The following RBFOX1 variants were observed in gnomAD, a reference collection of about 807,000 sequenced individuals.
RBFOX1 encodes the protein RNA binding fox-1 homolog 1.
RBFOX1 carries 8 observed loss-of-function variants against 57.7 expected under a neutral mutation model. The ratio of observed to expected loss-of-function variants is 0.14; its 90% confidence interval spans 0.08 to 0.25. RBFOX1 has a LOEUF of 0.25. Among genes scored for constraint, RBFOX1 ranks in the 10% least tolerant of loss-of-function variants. RBFOX1 has a pLI of 1.00. For missense variants in RBFOX1, 611 were observed against 548.5 expected (o/e 1.11, Z -1.14); for synonymous variants, 326 against 222.4 (o/e 1.47, Z -4.15).
At chr16:5,450,326 A>G (rs2068383177) in intron 1 of RBFOX1, among the ~76,000 whole-genome samples, 1 of 152,152 alleles carries the variant, frequency 6.6e-6, no homozygotes, top group Non-Finnish European at 1.5e-5. Flanking sequence ...CCTGAGATTT[A>G]TGAAGGGTTC....
At chr16:6,297,973 C>G (rs1187133708) in intron 1 of RBFOX1, among the ~76,000 whole-genome samples, 3 of 152,198 alleles carry the variant, frequency 2.0e-5, no homozygotes, top group Non-Finnish European at 4.4e-5. Flanking sequence ...CTGTGTGTGA[C>G]CCAGTTCTTT....
At chr16:7,277,869 A>G (rs909688097) in intron 4 of RBFOX1, among the ~76,000 whole-genome samples, 2 of 152,116 alleles carry the variant, frequency 1.3e-5, no homozygotes, top group African/African-American at 4.8e-5. Flanking sequence ...CAGCTCTTCT[A>G]GAGACATTCT....
chr16:7,222,340 A>G lies in RBFOX1; in HGVS notation c.27+170242A>G, dbSNP rs1176705475. Among the ~76,000 whole-genome samples, 7 of 152,350 alleles carry G rather than the reference A, an allele frequency of 4.6e-5. No homozygotes were observed. The East Asian group carries it at 7.7e-4, about 17-fold the overall frequency. ...ATGTGCAAAGTCTCATGTTGGCTAT[A>G]TAGGTAGTTTATATGTCAGTTCCAA... On this transcript the variant is annotated intron_variant, in intron 4 of 15. Transcript: ENST00000550418.
chr16:5,523,939 G>T (rs561451123), intron 2 of RBFOX1, among the ~76,000 whole-genome samples: 2 of 152,020 alleles, frequency 1.3e-5, no homozygotes, highest in Non-Finnish European at 2.9e-5. Context: ...GCGCCCCTCC[G>T]CACCCTCCCC....
At chr16:7,460,087 A>C (rs115997812) in intron 4 of RBFOX1, among the ~76,000 whole-genome samples, 1,551 of 152,130 alleles carry the variant, frequency 0.01, 34 homozygotes, top group African/African-American at 0.036. Context: ...TTAATTCATC[A>C]ATTCGAAAAT....
At chr16:6,849,925 G>A (rs1469939625) in intron 3 of RBFOX1, among the ~76,000 whole-genome samples, 1 of 152,150 alleles carries the variant, frequency 6.6e-6, no homozygotes, top group African/African-American at 2.4e-5. Flanking sequence ...AGTTGACTAG[G>A]AAGATGACTT....
chr16:6,397,522 GTA>G lies in RBFOX1; in HGVS notation c.-64+80466_-64+80467del, dbSNP rs574499533. 6.5e-4 allele frequency among the ~76,000 whole-genome samples: 99 copies of G among 152,248 alleles called. 1 individual carries two copies. The South Asian group carries it at 0.02, about 30-fold the overall frequency. On this transcript the variant is annotated intron_variant, in intron 2 of 15. Coordinates refer to ENST00000550418, the MANE Select transcript of RBFOX1 (RefSeq NM_018723.4). ...TAGATGTTTTATTACCATTAGTCCT[GTA>G]CTATAAGAACTGTAGCTTTAAAGGG...
At chr16:6,410,216 G>C (rs1014645111) in intron 2 of RBFOX1, among the ~76,000 whole-genome samples, 1 of 148,750 alleles carries the variant, frequency 6.7e-6, no homozygotes, top group East Asian at 2.0e-4. Context: ...TGGTGCATAT[G>C]AATGTGCTTT....
chr16:6,943,849 T>G (rs2078995829), intron 3 of RBFOX1, among the ~76,000 whole-genome samples: 1 of 152,098 alleles, frequency 6.6e-6, no homozygotes, highest in African/African-American at 2.4e-5. Context: ...CTGTAACCAT[T>G]CTAGCTTTTT....
At chr16:6,090,440 G>T (rs2096154901) in intron 1 of RBFOX1, among the ~76,000 whole-genome samples, 1 of 152,194 alleles carries the variant, frequency 6.6e-6, no homozygotes, top group Non-Finnish European at 1.5e-5. Flanking sequence ...AGTCTTTTAG[G>T]TTAATGTGCT....
intron 3 of RBFOX1, among the ~76,000 whole-genome samples, chr16:6,724,208 AT>A (rs35887818): frequency 0.013 from 1,661 of 128,000 alleles, 16 homozygotes; most frequent in African/African-American, 0.034. Context: ...GGCATCTTCC[AT>A]TTTTTTTTTT....
At chr16:7,413,437 A>G (rs1209393108) in intron 4 of RBFOX1, among the ~76,000 whole-genome samples, 2 of 152,024 alleles carry the variant, frequency 1.3e-5, no homozygotes, top group African/African-American at 4.8e-5. Context: ...TGGGTCTGGG[A>G]TGGGGCCCAG....
intron 3 of RBFOX1, among the ~76,000 whole-genome samples, chr16:6,735,270 C>T (rs1029363992): frequency 5.9e-5 from 9 of 152,182 alleles, no homozygotes; most frequent in East Asian, 3.9e-4. Context: ...GTACACTTGC[C>T]TCCTACCCAA....
At chr16:6,422,968 C>T (rs950504048) in intron 2 of RBFOX1, among the ~76,000 whole-genome samples, 13 of 152,202 alleles carry the variant, frequency 8.5e-5, no homozygotes, top group Admixed American at 4.6e-4. Flanking sequence ...CAGCTGCATC[C>T]ACATTGCTGC....
At chr16:6,856,741 A>T (rs746779341) in intron 3 of RBFOX1, among the ~76,000 whole-genome samples, 57 of 152,166 alleles carry the variant, frequency 3.7e-4, no homozygotes, top group Non-Finnish European at 4.3e-4. Flanking sequence ...TGAGGCAATA[A>T]TGATGATCCA....
At chr16:7,654,549 G>A (rs1178076714) in intron 12 of RBFOX1, among the ~76,000 whole-genome samples, 1 of 152,130 alleles carries the variant, frequency 6.6e-6, no homozygotes, top group East Asian at 1.9e-4. Context: ...ATGCAGATTA[G>A]TTTGTTTCCC....
chr16:6,710,621 G>T (rs572110754), intron 3 of RBFOX1, among the ~76,000 whole-genome samples: 1 of 152,342 alleles, frequency 6.6e-6, no homozygotes, highest in African/African-American at 2.4e-5. Flanking sequence ...ATTCAAATGA[G>T]CTACAGCAAG....
chr16:7,456,563 C>G (rs529542129), intron 4 of RBFOX1, among the ~76,000 whole-genome samples: 1 of 152,306 alleles, frequency 6.6e-6, no homozygotes, highest in Admixed American at 6.5e-5. Flanking sequence ...GTAATTTGGT[C>G]TCAGCAGTCA....
intron 3 of RBFOX1, chr16:6,703,860 A>G (rs989958599): frequency 6.6e-6 from 1 of 152,272 alleles, no homozygotes; most frequent in Admixed American, 6.5e-5. Context: ...GCAACTCTGA[A>G]AAGCAACTTA....
Sources: gnomAD v4.1 joint callset for allele counts (sites outside exome capture counted in the v4.1 genomes callset) on GRCh38, gnomAD v4.1.1 for gene constraint, MANE v1.5 for transcripts, NCBI Gene and HGNC (gene_info 2026-07-23, HGNC 2026-07-21) for gene names.